The following GLIS1 variants were observed in gnomAD, a reference collection of about 807,000 sequenced individuals.
GLIS1 encodes zinc finger protein GLIS1.
GLIS1 carries 24 observed loss-of-function variants against 63.8 expected under a neutral mutation model. The observed-to-expected ratio is 0.38, with a 90% CI of 0.27 to 0.53. The LOEUF (loss-of-function observed/expected upper bound fraction) is 0.53. Among genes scored for constraint, GLIS1 ranks in the 20% least tolerant of loss-of-function variants. The pLI, the probability that GLIS1 is intolerant of heterozygous loss-of-function variation, is 0.85. For missense variants in GLIS1, 1,036 were observed against 1,074.1 expected (o/e 0.96, Z 0.50); for synonymous variants, 450 against 482.5 (o/e 0.93, Z 0.88).
In GLIS1 at chr1:53,594,874, G is replaced by A; in HGVS notation, c.554C>T (p.Ala185Val). 6.4e-7 allele frequency: 1 copy of A among 1,574,074 alleles called. No individual in the cohort carries two copies. Among genetic ancestry groups the A allele is most frequent in the South Asian group, 1.2e-5 (1 of 85,644 alleles). ...AGTGGCCAGCGGGCCCCGACAGTGGGCAGACAGGGATGTGCGGGCCTCTGC... is the reference window on the plus strand; with the variant it reads ...AGTGGCCAGCGGGCCCCGACAGTGGACAGACAGGGATGTGCGGGCCTCTGC... Reference protein sequence around the residue: ...AMAEARTSLSAHCRGPLATGL... With the variant: ...AMAEARTSLSVHCRGPLATGL... The change falls in exon 4 of 11, where the codon GCC becomes GTC. Residue 185 changes from alanine to valine, a missense_variant. By Grantham distance (64) the Ala-to-Val change is moderately conservative. Coordinates refer to ENST00000628545, the MANE Select transcript of GLIS1 (RefSeq NM_001367484.1).
intron 4 of GLIS1, among the ~76,000 whole-genome samples, chr1:53,557,950 C>T: frequency 6.6e-6 from 1 of 152,206 alleles, no homozygotes; most frequent in South Asian, 2.1e-4. Context: ...AGGATTGACT[C>T]CAGTTGCTGC....
chr1:53,577,865 T>C (rs1257108040), intron 4 of GLIS1, among the ~76,000 whole-genome samples: 1 of 152,062 alleles, frequency 6.6e-6, no homozygotes, highest in African/African-American at 2.4e-5. Flanking sequence ...AGACATTCTC[T>C]CCTCCTCTGC....
At position 53,650,222 on chromosome 1, in the gene GLIS1, G is replaced by A. The variant is rs114394349; in HGVS notation, c.260-49944C>T. On this transcript the variant is annotated intron_variant, in intron 2 of 10. Coordinates refer to ENST00000628545, the MANE Select transcript of GLIS1 (RefSeq NM_001367484.1). Reference sequence around the variant, plus strand: ...TAGGTGGGCTCATTAATGGACCAAAGGCAGTGACACAAACCAGTAACTGTG... The same window carrying A: ...TAGGTGGGCTCATTAATGGACCAAAAGCAGTGACACAAACCAGTAACTGTG... 9.5e-3 allele frequency among the ~76,000 whole-genome samples: 1,447 copies of A among 152,290 alleles called. 14 individuals carry two copies. The highest frequency in any genetic ancestry group is 0.033 in the African/African-American group (1,383 of 41,526).
intron 2 of GLIS1, among the ~76,000 whole-genome samples, chr1:53,657,570 C>T (rs1383493189): frequency 2.6e-5 from 4 of 152,158 alleles, no homozygotes; most frequent in Admixed American, 2.0e-4. Context: ...TGAGCTACCA[C>T]GTGAGAAGCC....
intron 4 of GLIS1, among the ~76,000 whole-genome samples, chr1:53,580,993 A>G (rs1645079560): frequency 2.0e-5 from 3 of 152,000 alleles, no homozygotes; most frequent in African/African-American, 7.3e-5. Flanking sequence ...TTGATCGTAA[A>G]TTCCTTTCCA....
intron 4 of GLIS1, among the ~76,000 whole-genome samples, chr1:53,591,332 T>G (rs1645191506): frequency 6.6e-6 from 1 of 152,150 alleles, no homozygotes; most frequent in South Asian, 2.1e-4. Context: ...GGGGAGGCTC[T>G]GACAAGCCTC....
chr1:53,700,340 T>C (rs1419039592), intron 2 of GLIS1, among the ~76,000 whole-genome samples: 1 of 152,072 alleles, frequency 6.6e-6, no homozygotes, highest in East Asian at 1.9e-4. Flanking sequence ...AACCAAGACC[T>C]AGAGGAAGGG....
chr1:53,522,986 C>CTTTTTTTTTTTTT (rs1553120127), intron 6 of GLIS1, among the ~76,000 whole-genome samples: 1 of 43,690 alleles, frequency 2.3e-5, no homozygotes, highest in African/African-American at 4.4e-5. Flanking sequence ...TCTTTTCTTT[C>CTTTTTTTTTTTTT]TTTTTTTTTT....
At chr1:53,688,106 C>T (rs1265658398) in intron 2 of GLIS1, among the ~76,000 whole-genome samples, 1 of 152,204 alleles carries the variant, frequency 6.6e-6, no homozygotes, top group Non-Finnish European at 1.5e-5. Flanking sequence ...GTTTCCTGCT[C>T]GGCAGGCTCT....
intron 2 of GLIS1, among the ~76,000 whole-genome samples, chr1:53,690,910 C>A (rs1446402504): frequency 6.6e-6 from 1 of 152,182 alleles, no homozygotes; most frequent in Non-Finnish European, 1.5e-5. Context: ...GAGGTAGATA[C>A]AATTATGTCC....
At chr1:53,713,425 T>C (rs1245694748) in intron 2 of GLIS1, among the ~76,000 whole-genome samples, 1 of 144,566 alleles carries the variant, frequency 6.9e-6, no homozygotes, top group Non-Finnish European at 1.5e-5. Context: ...TGGTGAGACC[T>C]CATCTCTTCA....
intron 2 of GLIS1, among the ~76,000 whole-genome samples, chr1:53,669,475 G>C (rs1646128919): frequency 6.6e-6 from 1 of 152,196 alleles, no homozygotes; most frequent in Admixed American, 6.5e-5. Context: ...GGGGAGATCT[G>C]TCAACCAGGT....
At chr1:53,543,333 T>C (rs778264359) in intron 4 of GLIS1, among the ~76,000 whole-genome samples, 1 of 152,120 alleles carries the variant, frequency 6.6e-6, no homozygotes, top group Non-Finnish European at 1.5e-5. Flanking sequence ...TGCTACTCTT[T>C]CGGCGGACTG....
intron 2 of GLIS1, among the ~76,000 whole-genome samples, chr1:53,632,339 G>A (rs1645663628): frequency 6.7e-6 from 1 of 148,830 alleles, no homozygotes; most frequent in South Asian, 2.2e-4. Context: ...CAGACTGGGG[G>A]TGTAACAGAT....
rs1644230679 is a variant in GLIS1 at position 53,506,323 on chromosome 1, A to G, written c.*296T>C. 7.5e-6 allele frequency: 3 copies of G among 400,766 alleles called. No homozygotes were observed. Among genetic ancestry groups the G allele is most frequent in the Non-Finnish European group, 1.3e-5 (3 of 223,450 alleles). 24.8% of individuals were successfully genotyped at this position (400,766 alleles called of 1,614,324 possible). A position where few individuals can be genotyped will look rare whatever the true frequency, so the allele number is the denominator to read the frequency against. ...ACGGAAAACAAGTTCTGCATATTTTATATACACGAGGTCTGTGATTTCAAA... is the reference window on the plus strand; with the variant it reads ...ACGGAAAACAAGTTCTGCATATTTTGTATACACGAGGTCTGTGATTTCAAA... On this transcript the variant is annotated 3_prime_UTR_variant, in exon 11 of 11. Coordinates refer to ENST00000628545, the MANE Select transcript of GLIS1 (RefSeq NM_001367484.1).
At position 53,594,976 on chromosome 1, in the gene GLIS1, T is replaced by C; in HGVS notation, c.452A>G (p.Gln151Arg). The change falls in exon 4 of 11, where the codon CAG becomes CGG. Residue 151 changes from glutamine (Q) to arginine (R), a missense_variant. Around this residue, in one of 3 missense-constraint regions of GLIS1, gnomAD observed 592 missense variants for 593.9 expected, o/e 1.00. Coordinates refer to ENST00000628545, the MANE Select transcript of GLIS1 (RefSeq NM_001367484.1). ...FPHPDRSPRP[Q>R]ATYVNGSLPT... ...GAGGCTGCCGTTCACATACGTGGCCTGGGGTCTAGGTGACCTGGAAGACAG... is the reference window on the plus strand; with the variant it reads ...GAGGCTGCCGTTCACATACGTGGCCCGGGGTCTAGGTGACCTGGAAGACAG... 1.4e-6 allele frequency: 2 copies of C among 1,436,154 alleles called. No homozygotes were observed. Among genetic ancestry groups the C allele is most frequent in the South Asian group, 1.5e-5 (1 of 67,348 alleles). The allele number at this position is 1,436,154 out of a possible 1,614,324, so 89.0% of individuals were successfully genotyped here. A position where few individuals can be genotyped will look rare whatever the true frequency, so the allele number is the denominator to read the frequency against.
chr1:53,516,799 T>A (rs1177926120), intron 7 of GLIS1, among the ~76,000 whole-genome samples: 4 of 148,030 alleles, frequency 2.7e-5, no homozygotes, highest in African/African-American at 1.0e-4. Context: ...GGCGACTCCA[T>A]CTCAAAAAAA....
rs761442178 is a variant in GLIS1 at position 53,560,172 on chromosome 1, G to A, written c.1321-30220C>T. 2.0e-5 allele frequency among the ~76,000 whole-genome samples: 3 copies of A among 152,236 alleles called. No homozygotes were observed. Among genetic ancestry groups the A allele is most frequent in the African/African-American group, 7.2e-5 (3 of 41,458 alleles). On this transcript the variant is annotated intron_variant, in intron 4 of 10. Transcript: ENST00000628545. The surrounding 1 kb of genome is among the most constrained non-coding windows in gnomAD (Gnocchi z 4.4). ...GGACTGCCTCCTTGATGAAGATACA[G>A]AAATGAATCCAATACGAAGCTGGAG...
intron 2 of GLIS1, among the ~76,000 whole-genome samples, chr1:53,606,929 C>T (rs894020831): frequency 2.0e-5 from 3 of 152,160 alleles, no homozygotes; most frequent in Non-Finnish European, 2.9e-5. Flanking sequence ...AGGACGGCGC[C>T]GCGGAGACAC....
Sources: gnomAD v4.1 joint callset for allele counts (sites outside exome capture counted in the v4.1 genomes callset) on GRCh38, gnomAD v4.1.1 for gene constraint, gnomAD v4.1.1 regional missense constraint, Gnocchi (gnomAD v3.1) non-coding constraint, MANE v1.5 for transcripts, NCBI Gene and HGNC (gene_info 2026-07-23, HGNC 2026-07-21) for gene names.